NRG1: variants seen among roughly 807,000 people sequenced by gnomAD.
NRG1 encodes the protein pro-neuregulin-1, membrane-bound isoform.
In NRG1, 18 loss-of-function variants were observed where a neutral mutation model predicts 63.8. The observed-to-expected ratio is 0.28, with a 90% CI of 0.19 to 0.42. NRG1 has a LOEUF of 0.42. Among genes scored for constraint, NRG1 ranks in the 10% least tolerant of loss-of-function variants. The pLI is 1.00. For missense variants in NRG1, 762 were observed against 814.7 expected, an observed-to-expected ratio of 0.94 and a Z score of 0.79; for synonymous variants, 302 against 301.3, an observed-to-expected ratio of 1.00 and a Z score of -0.02.
At chr8:31,664,698 C>G (rs376380518) in intron 1 of NRG1, among the ~76,000 whole-genome samples, 3 of 152,082 alleles carry the variant, frequency 2.0e-5, no homozygotes, top group African/African-American at 7.2e-5. Flanking sequence ...CGGTGTGTAG[C>G]GGGGATGGCA....
chr8:31,897,433 T>C lies in NRG1; in HGVS notation c.37+258002T>C, dbSNP rs1282122555. On this transcript the variant is annotated intron_variant, in intron 1 of 10. Transcript: ENST00000519301. ...AATCAAAGTATTTTATCTCAAATTA[T>C]GGTTTTTTGCCATATCTTGGAATAG... Among the ~76,000 whole-genome samples the C allele has an allele frequency of 5.3e-5, 8 of 152,320 alleles. No homozygotes were observed. The South Asian group carries it at 8.3e-4, about 16-fold the overall frequency.
At chr8:32,630,248 A>G (rs1182961947) in intron 5 of NRG1, among the ~76,000 whole-genome samples, 2 of 152,202 alleles carry the variant, frequency 1.3e-5, no homozygotes, top group South Asian at 2.1e-4. Context: ...CCCTAATGAG[A>G]TGACCAAATC....
At chr8:32,533,667 T>C (rs1269328092) in intron 1 of NRG1, among the ~76,000 whole-genome samples, 1 of 152,056 alleles carries the variant, frequency 6.6e-6, no homozygotes, top group East Asian at 1.9e-4. Context: ...TAACTAAACA[T>C]AGAAAATAGA....
intron 1 of NRG1, among the ~76,000 whole-genome samples, chr8:32,437,221 T>A (rs775306845): frequency 6.6e-6 from 1 of 152,044 alleles, no homozygotes; most frequent in Non-Finnish European, 1.5e-5. Context: ...GCCTAGGTAG[T>A]CTTGAAAAAC....
intron 1 of NRG1, among the ~76,000 whole-genome samples, chr8:32,464,587 A>G (rs750962123): frequency 8.5e-5 from 13 of 152,278 alleles, no homozygotes; most frequent in Non-Finnish European, 1.6e-4. Context: ...AATGTATGAG[A>G]TGTTCTTTCT....
chr8:31,728,997 T>C (rs945137286), intron 1 of NRG1, among the ~76,000 whole-genome samples: 2 of 152,206 alleles, frequency 1.3e-5, no homozygotes, highest in African/African-American at 2.4e-5. Context: ...GTCATCTGGT[T>C]CTGGGCTGTT....
intron 1 of NRG1, among the ~76,000 whole-genome samples, chr8:31,660,372 A>G (rs1805864551): frequency 6.6e-6 from 1 of 152,246 alleles, no homozygotes; most frequent in Non-Finnish European, 1.5e-5. Context: ...GCTAAGGCAC[A>G]TCAGGGAAAT....
intron 1 of NRG1, among the ~76,000 whole-genome samples, chr8:32,148,158 T>C (rs1161227367): frequency 4.6e-5 from 7 of 152,114 alleles, no homozygotes; most frequent in Non-Finnish European, 1.5e-5. Context: ...AATCTCACAA[T>C]AAGCCTATGA....
intron 1 of NRG1, among the ~76,000 whole-genome samples, chr8:32,196,250 A>G (rs1313903859): frequency 6.6e-6 from 1 of 152,000 alleles, no homozygotes; most frequent in East Asian, 1.9e-4. Context: ...CTAGACAGTC[A>G]TGATAACAGA....
Position 31,781,877 on chromosome 8 carries a change from G to C in NRG1, c.37+142446G>C, listed in dbSNP as rs117276047. On this transcript the variant is annotated intron_variant, in intron 1 of 10. Coordinates refer to the NRG1 transcript ENST00000519301. The stretch of plus-strand genomic sequence containing the variant: ...AGAATACTAAACTGCTTTCTGATGG[G>C]AGTAAGTTGTATTTCAAGTGGCCTC... Among the ~76,000 whole-genome samples, 585 of 152,170 alleles carry C rather than the reference G, an allele frequency of 3.8e-3. 1 individual carries two copies. Among genetic ancestry groups the C allele is most frequent in the Middle Eastern group, 0.021 (6 of 292 alleles).
chr8:31,679,655 A>G (rs1436167004), intron 1 of NRG1, among the ~76,000 whole-genome samples: 1 of 152,176 alleles, frequency 6.6e-6, no homozygotes, highest in African/African-American at 2.4e-5. Flanking sequence ...AAGTTAATAC[A>G]TCTTTAATCA....
At chr8:31,687,490 G>GT (rs1319039531) in intron 1 of NRG1, among the ~76,000 whole-genome samples, 2 of 152,194 alleles carry the variant, frequency 1.3e-5, no homozygotes, top group Non-Finnish European at 2.9e-5. Flanking sequence ...CTCAATGCCT[G>GT]TACCTGATCT....
At chr8:32,745,688 T>G (rs201616381) in intron 7 of NRG1, among the ~76,000 whole-genome samples, 2 of 84,884 alleles carry the variant, frequency 2.4e-5, no homozygotes, top group African/African-American at 5.6e-5. Flanking sequence ...GTGTGTGTGT[T>G]CGTGTGTGTG....
chr8:31,994,737 A>G (rs895144163), intron 1 of NRG1, among the ~76,000 whole-genome samples: 2 of 147,410 alleles, frequency 1.4e-5, no homozygotes, highest in Non-Finnish European at 3.0e-5. Flanking sequence ...TTTCCCTTCT[A>G]TGCTTTTACA....
At position 32,207,250 on chromosome 8, in the gene NRG1, C is replaced by CT. The variant is rs945067945; in HGVS notation, c.38-388569dup. Among the ~76,000 whole-genome samples the CT allele has an allele frequency of 5.3e-5, 8 of 150,520 alleles. No individual in the cohort carries two copies. In the South Asian group the frequency reaches 6.3e-4, roughly 12 times the overall value. On this transcript the variant is annotated intron_variant, in intron 1 of 10. Transcript: ENST00000519301. Reference sequence around the variant, plus strand: ...TCCAACAAAAATGCAATACTATTATCTTTTTTTTTAATGACAAAGAAAAGC... The same window carrying CT: ...TCCAACAAAAATGCAATACTATTATCTTTTTTTTTTAATGACAAAGAAAAGC...
rs567607124 is a variant in NRG1 at position 32,762,052 on chromosome 8, A to C, written c.1259+1646A>C. Among the ~76,000 whole-genome samples, 1,301 of 150,700 alleles carry C rather than the reference A, an allele frequency of 8.6e-3. 30 individuals are homozygous for C. The highest frequency in any genetic ancestry group is 0.031 in the African/African-American group (1,244 of 40,452). ...AGACTCCGCCTCAAAAAAAAAAAAAAAAAAAAAACATTCTGGACTTGCAAG... is the reference window on the plus strand; with the variant it reads ...AGACTCCGCCTCAAAAAAAAAAAAACAAAAAAAACATTCTGGACTTGCAAG... On this transcript the variant is annotated intron_variant, in intron 11 of 11. Transcript: ENST00000356819.
At chr8:31,826,821 C>G (rs1203784471) in intron 1 of NRG1, among the ~76,000 whole-genome samples, 1 of 152,182 alleles carries the variant, frequency 6.6e-6, no homozygotes, top group Non-Finnish European at 1.5e-5. Context: ...GAGAGAGAAG[C>G]AGTTACATGA....
At chr8:32,231,773 G>A (rs554439306) in intron 1 of NRG1, among the ~76,000 whole-genome samples, 1 of 151,782 alleles carries the variant, frequency 6.6e-6, no homozygotes, top group South Asian at 2.1e-4. Context: ...GTGGTGGCAT[G>A]CGCCTGCAGT....
chr8:32,651,662 A>G (rs1262159576), intron 5 of NRG1, among the ~76,000 whole-genome samples: 2 of 152,140 alleles, frequency 1.3e-5, no homozygotes, highest in Non-Finnish European at 2.9e-5. Context: ...CCTAAGTCTT[A>G]TTATGGGATT....
Sources: gnomAD v4.1 joint callset for allele counts (sites outside exome capture counted in the v4.1 genomes callset) on GRCh38, gnomAD v4.1.1 for gene constraint, MANE v1.5 for transcripts, NCBI Gene and HGNC (gene_info 2026-07-23, HGNC 2026-07-21) for gene names.